The following PHC2 variants were observed in gnomAD, a reference collection of about 807,000 sequenced individuals.
PHC2 encodes the protein polyhomeotic homolog 2, also known as polyhomeotic-like protein 2.
PHC2 carries 29 observed loss-of-function variants against 87.4 expected under a neutral mutation model. That is an observed-to-expected ratio of 0.33 (90% confidence interval 0.25 to 0.45). The LOEUF is 0.45. PHC2 is among the 20% of genes least tolerant of loss of function. PHC2 has a pLI of 1.00. For missense variants in PHC2, 857 were observed against 1,136.7 expected (o/e 0.75, Z 3.54); for synonymous variants, 438 against 461.7 (o/e 0.95, Z 0.66).
At chr1:33,426,970 C>T (rs1034169443) in intron 1 of PHC2, among the ~76,000 whole-genome samples, 1 of 152,124 alleles carries the variant, frequency 6.6e-6, no homozygotes, top group Non-Finnish European at 1.5e-5. Context: ...AGCATGGGGC[C>T]CCTCTAAACA....
chr1:33,395,988 G>A (rs1213452450), intron 1 of PHC2, among the ~76,000 whole-genome samples: 2 of 152,170 alleles, frequency 1.3e-5, no homozygotes, highest in Admixed American at 6.5e-5. Context: ...TGTAGGACAC[G>A]TCATTTAACA....
At chr1:33,337,591 G>A (rs1275983682) in intron 9 of PHC2, among the ~76,000 whole-genome samples, 1 of 152,182 alleles carries the variant, frequency 6.6e-6, no homozygotes, top group Non-Finnish European at 1.5e-5. Flanking sequence ...GAGTGCTGCT[G>A]TGAGGACTAA....
intron 7 of PHC2, among the ~76,000 whole-genome samples, chr1:33,360,682 G>C (rs955941158): frequency 1.3e-5 from 2 of 152,324 alleles, no homozygotes; most frequent in Admixed American, 1.3e-4. Flanking sequence ...GTGTTGCTTT[G>C]AACTTCTCAA....
chr1:33,350,109 G>A (rs535018194), intron 9 of PHC2, among the ~76,000 whole-genome samples: 1 of 151,988 alleles, frequency 6.6e-6, no homozygotes, highest in Non-Finnish European at 1.5e-5. Flanking sequence ...CGAGGAGGCT[G>A]CCCTGATAGC....
At position 33,364,162 on chromosome 1, in the gene PHC2, T is replaced by C. The variant is rs1647296442; in HGVS notation, c.976+2954A>G. Among the ~76,000 whole-genome samples the C allele has an allele frequency of 6.6e-6, 1 of 151,994 alleles. No homozygotes were observed. The highest frequency in any genetic ancestry group is 2.4e-5 in the African/African-American group (1 of 41,376). Reference sequence around the variant, plus strand: ...AGCTGTCAGTGGGAGCAGTCCCAGCTGGGACTGGAGGGTCTGCCTGCTCTG... The same window carrying C: ...AGCTGTCAGTGGGAGCAGTCCCAGCCGGGACTGGAGGGTCTGCCTGCTCTG... On this transcript the variant is annotated intron_variant, in intron 7 of 14. Transcript: ENST00000683057. This position sits in a 1 kb window ranked among gnomAD's most constrained non-coding sequence, Gnocchi z 4.1.
intron 9 of PHC2, chr1:33,346,355 AT>A: frequency 2.0e-6 from 2 of 985,432 alleles, no homozygotes; most frequent in Non-Finnish European, 2.4e-6. Context: ...GAAAGTCATC[AT>A]CATGATCATC....
intron 1 of PHC2, among the ~76,000 whole-genome samples, chr1:33,397,635 C>T (rs973370406): frequency 3.3e-5 from 5 of 152,128 alleles, no homozygotes; most frequent in African/African-American, 9.6e-5. Flanking sequence ...TCTGGCAGCA[C>T]GGCAGCTCTC....
At chr1:33,425,448 T>C (rs894604107) in intron 1 of PHC2, among the ~76,000 whole-genome samples, 1 of 152,220 alleles carries the variant, frequency 6.6e-6, no homozygotes. Flanking sequence ...TGAGCATCTG[T>C]GACATTCAAG....
chr1:33,346,567 A>ATTC (rs1646848751), intron 9 of PHC2: 1 of 985,198 alleles, frequency 1.0e-6, no homozygotes, highest in Non-Finnish European at 1.2e-6. Flanking sequence ...GACTGACTCA[A>ATTC]GAAGAGGGAA....
chr1:33,419,922 A>G (rs1650366897), intron 1 of PHC2, among the ~76,000 whole-genome samples: 1 of 151,814 alleles, frequency 6.6e-6, no homozygotes, highest in Non-Finnish European at 1.5e-5. Context: ...TCTCTCTTAT[A>G]AGGACACTTG....
In PHC2 at chr1:33,354,851, G is replaced by A; in HGVS notation, c.1379C>T (p.Pro460Leu). 6.2e-7 allele frequency: 1 copy of A among 1,613,760 alleles called. No individual in the cohort carries two copies. The highest frequency in any genetic ancestry group is 8.5e-7 in the Non-Finnish European group (1 of 1,179,810). The change falls in exon 8 of 15, where the codon CCT becomes CTT. Residue 460 changes from proline to leucine, a missense_variant. Around this residue, in one of 3 missense-constraint regions of PHC2, gnomAD observed 832 missense variants for 1,081.8 expected, o/e 0.77. Transcript: ENST00000683057. Reference protein sequence around the residue: ...HTSAVILQLQPASPVPQQCVP... With the variant: ...HTSAVILQLQLASPVPQQCVP... The stretch of plus-strand genomic sequence containing the variant: ...TGGCTTACTCACCACTGGTGAAGCA[G>A]GCTGCAGTTGTAAGATGACAGCTGA...
At chr1:33,411,810 C>T (rs991631569) in intron 1 of PHC2, among the ~76,000 whole-genome samples, 26 of 152,250 alleles carry the variant, frequency 1.7e-4, no homozygotes, top group Non-Finnish European at 1.8e-4. Context: ...CTGCCTGCCT[C>T]GGCCTCCCAA....
intron 9 of PHC2, among the ~76,000 whole-genome samples, chr1:33,344,937 T>C (rs954636574): frequency 6.6e-6 from 1 of 152,198 alleles, no homozygotes; most frequent in East Asian, 1.9e-4. Flanking sequence ...AGTTTTGTTT[T>C]AATTTAAAGT....
rs938043145 is a variant in PHC2, at chr1:33,332,808, C to T, written c.1762-404G>A. ...TACATACGAGAGAGAGACTCAGCAC[C>T]CATTTTCTGATTTTTTTACTGTTCT... On this transcript the variant is annotated intron_variant, in intron 10 of 14. Coordinates refer to ENST00000683057, the MANE Select transcript of PHC2 (RefSeq NM_001385109.1). This position sits in a 1 kb window ranked among gnomAD's most constrained non-coding sequence, Gnocchi z 4.2. Among the ~76,000 whole-genome samples the T allele has an allele frequency of 6.6e-6, 1 of 152,084 alleles. No homozygotes were observed. Among genetic ancestry groups the T allele is most frequent in the Non-Finnish European group, 1.5e-5 (1 of 68,018 alleles).
At chr1:33,400,153 T>C (rs1056545852) in intron 1 of PHC2, among the ~76,000 whole-genome samples, 6 of 152,212 alleles carry the variant, frequency 3.9e-5, no homozygotes, top group African/African-American at 1.4e-4. Context: ...GGAGGGCTGA[T>C]GTAAGGTGAG....
intron 1 of PHC2, among the ~76,000 whole-genome samples, chr1:33,402,835 C>CTTTT (rs35208971): frequency 2.0e-4 from 30 of 150,948 alleles, no homozygotes; most frequent in South Asian, 2.1e-4. Flanking sequence ...AGGGAAAACT[C>CTTTT]TTTTTTTTGA....
At chr1:33,357,687 T>C (rs1046442634) in intron 7 of PHC2, among the ~76,000 whole-genome samples, 2 of 152,172 alleles carry the variant, frequency 1.3e-5, no homozygotes, top group Admixed American at 1.3e-4. Context: ...TTATCTCACA[T>C]TGAATAGGTC....
Position 33,420,330 on chromosome 1 carries a change from G to A in PHC2, c.-55+10646C>T, listed in dbSNP as rs189695147. ...ATTATGAAACTGATCACAAACTTTG[G>A]GGGAGGGAAACGCGCCTAGACCTTA... On this transcript the variant is annotated intron_variant, in intron 1 of 14. Transcript: ENST00000683057. Among the ~76,000 whole-genome samples the A allele has an allele frequency of 3.6e-3, 552 of 152,244 alleles. 2 individuals are homozygous for A. The highest frequency in any genetic ancestry group is 5.4e-3 in the Non-Finnish European group (370 of 68,020).
At chr1:33,401,031 T>C (rs1258144597) in intron 1 of PHC2, among the ~76,000 whole-genome samples, 1 of 152,052 alleles carries the variant, frequency 6.6e-6, no homozygotes, top group Non-Finnish European at 1.5e-5. Flanking sequence ...AACATAAAAA[T>C]TATATCCATC....
Sources: gnomAD v4.1 joint callset for allele counts (sites outside exome capture counted in the v4.1 genomes callset) on GRCh38, gnomAD v4.1.1 for gene constraint, gnomAD v4.1.1 regional missense constraint, Gnocchi (gnomAD v3.1) non-coding constraint, MANE v1.5 for transcripts, NCBI Gene and HGNC (gene_info 2026-07-23, HGNC 2026-07-21) for gene names.